The following DNM3 variants were observed in gnomAD, a reference collection of about 807,000 sequenced individuals.
DNM3 encodes the protein dynamin 3.
Under a neutral mutation model 101.6 loss-of-function variants are expected in DNM3, and 47 were observed. That is an observed-to-expected ratio of 0.46 (90% CI 0.37 to 0.59). The LOEUF (loss-of-function observed/expected upper bound fraction) is 0.59. DNM3 is among the 20% of genes least tolerant of loss of function. The pLI is 0.00. For synonymous variants in DNM3, 385 were observed against 387.9 expected (o/e 0.99, Z 0.09); for missense variants, 849 against 1,085.7 (o/e 0.78, Z 3.06).
chr1:172,025,092 C>G (rs12069110), intron 4 of DNM3, among the ~76,000 whole-genome samples: 3 of 152,230 alleles, frequency 2.0e-5, no homozygotes, highest in Non-Finnish European at 4.4e-5. Flanking sequence ...TGAAGTTGAC[C>G]TGGGACGCTT....
intron 14 of DNM3, chr1:172,132,793 A>G (rs2057009548): frequency 2.9e-6 from 2 of 679,432 alleles, no homozygotes; most frequent in East Asian, 2.7e-5. Flanking sequence ...TTCAGCCTTA[A>G]CTACTACTAT....
chr1:171,867,059 C>CCA (rs1176547149), intron 1 of DNM3, among the ~76,000 whole-genome samples: 2 of 152,192 alleles, frequency 1.3e-5, no homozygotes, highest in African/African-American at 4.8e-5. Context: ...ACGTGTGTAA[C>CCA]CACACATGGA....
chr1:172,161,195 A>G (rs1001170415), intron 14 of DNM3, among the ~76,000 whole-genome samples: 1 of 148,864 alleles, frequency 6.7e-6, no homozygotes, highest in Admixed American at 6.8e-5. Flanking sequence ...ATTATTATAT[A>G]TATGTATATA....
intron 16 of DNM3, among the ~76,000 whole-genome samples, chr1:172,322,911 T>G (rs2065782889): frequency 6.6e-6 from 1 of 151,972 alleles, no homozygotes. Flanking sequence ...CTGCTTGGCA[T>G]GTTGGAGGAG....
chr1:171,948,391 G>T (rs1292427670), intron 2 of DNM3, among the ~76,000 whole-genome samples: 1 of 152,162 alleles, frequency 6.6e-6, no homozygotes, highest in Admixed American at 6.6e-5. Flanking sequence ...TCCAGGTTAA[G>T]AATTCTATTT....
At chr1:172,003,799 TG>T (rs1286340862) in intron 4 of DNM3, among the ~76,000 whole-genome samples, 10 of 151,040 alleles carry the variant, frequency 6.6e-5, no homozygotes, top group African/African-American at 2.2e-4. Context: ...AGAACTGGGG[TG>T]GGGGTGAGGT....
chr1:171,892,693 C>T (rs1315454155), intron 1 of DNM3, among the ~76,000 whole-genome samples: 1 of 152,202 alleles, frequency 6.6e-6, no homozygotes, highest in Non-Finnish European at 1.5e-5. Flanking sequence ...TTATCAACTA[C>T]AGCAGCAGTT....
intron 16 of DNM3, among the ~76,000 whole-genome samples, chr1:172,318,519 G>C (rs901272261): frequency 2.0e-5 from 3 of 152,180 alleles, no homozygotes; most frequent in Non-Finnish European, 4.4e-5. Flanking sequence ...TCCTTAAGCT[G>C]ATAAGCAACT....
intron 1 of DNM3, among the ~76,000 whole-genome samples, chr1:171,906,173 G>A (rs571165603): frequency 6.6e-6 from 1 of 150,746 alleles, no homozygotes; most frequent in East Asian, 1.9e-4. Flanking sequence ...TGTCACCCAG[G>A]CTGGAGTGCA....
intron 1 of DNM3, among the ~76,000 whole-genome samples, chr1:171,869,721 C>T (rs1347071894): frequency 1.3e-5 from 2 of 152,174 alleles, no homozygotes; most frequent in Admixed American, 1.3e-4. Context: ...ACTGCCCTGC[C>T]TTATTGTTAT....
At chr1:172,192,385 T>C (rs1351464322) in intron 14 of DNM3, among the ~76,000 whole-genome samples, 1 of 151,676 alleles carries the variant, frequency 6.6e-6, no homozygotes, top group East Asian at 1.9e-4. Flanking sequence ...TTTTTTCTTT[T>C]ATTATTATAC....
At chr1:171,863,646 T>C (rs1374876905) in intron 1 of DNM3, among the ~76,000 whole-genome samples, 2 of 152,312 alleles carry the variant, frequency 1.3e-5, no homozygotes, top group East Asian at 3.9e-4. Context: ...TCTGTCTTTA[T>C]GTCCGTTCTC....
At chr1:171,956,951 A>G (rs964222630) in intron 2 of DNM3, among the ~76,000 whole-genome samples, 1 of 152,154 alleles carries the variant, frequency 6.6e-6, no homozygotes, top group Admixed American at 6.5e-5. Context: ...TGGCTGGGAT[A>G]TAGGGCACCA....
chr1:172,080,492 C>T (rs1247570666), intron 11 of DNM3, among the ~76,000 whole-genome samples: 3 of 152,172 alleles, frequency 2.0e-5, no homozygotes, highest in Non-Finnish European at 4.4e-5. Flanking sequence ...GCTAGAGCAT[C>T]CTAGGCCAAC....
At chr1:172,073,385 G>A (rs1048070192) in intron 11 of DNM3, among the ~76,000 whole-genome samples, 1 of 151,886 alleles carries the variant, frequency 6.6e-6, no homozygotes, top group East Asian at 1.9e-4. Context: ...ACATATATAT[G>A]CATATAGGTA....
chr1:172,389,368 T>C (rs2069389223), intron 20 of DNM3: 1 of 157,136 alleles, frequency 6.4e-6, no homozygotes, highest in African/African-American at 2.4e-5. Flanking sequence ...ATGATTGTTG[T>C]ATACAGTCAC....
chr1:171,851,189 A>G (rs1380042203), intron 1 of DNM3, among the ~76,000 whole-genome samples: 4 of 152,128 alleles, frequency 2.6e-5, no homozygotes, highest in African/African-American at 9.7e-5. Context: ...ACAGGAATCT[A>G]CCGAACAGTT....
intron 2 of DNM3, among the ~76,000 whole-genome samples, chr1:171,959,551 T>C (rs987228963): frequency 2.0e-5 from 3 of 152,154 alleles, no homozygotes; most frequent in Non-Finnish European, 2.9e-5. Flanking sequence ...GTCATAAATA[T>C]ACAGTTGTCT....
At chr1:171,912,803 T>C (rs560339926) in intron 1 of DNM3, among the ~76,000 whole-genome samples, 5 of 152,276 alleles carry the variant, frequency 3.3e-5, no homozygotes, top group Admixed American at 6.5e-5. Flanking sequence ...CCCAGCAAAA[T>C]TGGGATTCTG....
Sources: allele counts gnomAD v4.1 joint callset (sites outside exome capture counted in the v4.1 genomes callset), GRCh38; gene constraint gnomAD v4.1.1; transcripts MANE v1.5; gene names NCBI Gene and HGNC (gene_info 2026-07-23, HGNC 2026-07-21).